Variants in CDH19 observed in about 807,000 individuals in gnomAD.
The protein encoded by CDH19 is cadherin 19.
CDH19 carries 67 observed loss-of-function variants against 64.2 expected under a neutral mutation model. The observed-to-expected ratio is 1.04, with a 90% CI of 0.86 to 1.28. The LOEUF (loss-of-function observed/expected upper bound fraction) is 1.28. Among genes scored for constraint, CDH19 ranks in the 50% most tolerant of loss-of-function variants. The pLI, the probability that CDH19 is intolerant of heterozygous loss-of-function variation, is 0.00. For missense variants in CDH19, 1,030 were observed against 929.0 expected (o/e 1.11, Z -1.41); for synonymous variants, 346 against 319.3 (o/e 1.08, Z -0.89).
chr18:66,603,365 T>C (rs866621716), intron 1 of CDH19, among the ~76,000 whole-genome samples: 94 of 151,648 alleles, frequency 6.2e-4, no homozygotes, highest in African/African-American at 2.2e-3. Flanking sequence ...TTGTGTTATG[T>C]ATAAATGTTA....
At chr18:66,575,813 T>C (rs933983908) in intron 1 of CDH19, among the ~76,000 whole-genome samples, 6 of 151,802 alleles carry the variant, frequency 4.0e-5, no homozygotes, top group African/African-American at 1.4e-4. Flanking sequence ...AAAGACCTTC[T>C]TTAAATTATA....
intron 7 of CDH19, among the ~76,000 whole-genome samples, chr18:66,539,929 CT>C (rs1481472640): frequency 6.6e-6 from 1 of 151,834 alleles, no homozygotes; most frequent in African/African-American, 2.4e-5. Context: ...GGTTATTTAT[CT>C]TTTAATATCT....
chr18:66,578,770 T>C (rs928193216), intron 1 of CDH19, among the ~76,000 whole-genome samples: 2 of 151,892 alleles, frequency 1.3e-5, no homozygotes, highest in Admixed American at 1.3e-4. Flanking sequence ...AACAAGTCAA[T>C]GTACTAAGAA....
intron 3 of CDH19, among the ~76,000 whole-genome samples, chr18:66,560,722 G>T (rs2144545151): frequency 6.6e-6 from 1 of 151,958 alleles, no homozygotes; most frequent in Admixed American, 6.6e-5. Flanking sequence ...TTACTCTACT[G>T]AAGAAGGGTA....
chr18:66,551,054 A>G, intron 5 of CDH19, 40 bp downstream of exon 5: 1 of 1,146,574 alleles, frequency 8.7e-7, no homozygotes, highest in Non-Finnish European at 1.3e-6. Flanking sequence ...ACACACTCAT[A>G]TTTATAATGT....
chr18:66,540,171 T>C (rs1986833569), intron 7 of CDH19, among the ~76,000 whole-genome samples: 1 of 152,210 alleles, frequency 6.6e-6, no homozygotes, highest in South Asian at 2.1e-4. Flanking sequence ...GGCTTCATTA[T>C]ATTACTCCGT....
Position 66,502,653 on chromosome 18 carries a change from T to C in CDH19, c.*2159A>G, listed in dbSNP as rs1984996483. The stretch of plus-strand genomic sequence containing the variant: ...AATTTCTCTGACTATACATTTTCAA[T>C]TTTCATGTCAATGTGATAGAAATGT... On this transcript the variant is annotated 3_prime_UTR_variant, in exon 12 of 12. Coordinates refer to ENST00000262150, the MANE Select transcript of CDH19 (RefSeq NM_021153.4). 1 of 151,986 alleles carries C rather than the reference T, an allele frequency of 6.6e-6. No individual in the cohort carries two copies. Among genetic ancestry groups the C allele is most frequent in the South Asian group, 2.1e-4 (1 of 4,834 alleles). 9.4% of individuals were successfully genotyped at this position (151,986 alleles called of 1,614,324 possible). A position where few individuals can be genotyped will look rare whatever the true frequency, so the allele number is the denominator to read the frequency against.
chr18:66,586,654 G>T (rs1943309), intron 1 of CDH19, among the ~76,000 whole-genome samples: 51,231 of 151,832 alleles, frequency 0.34, 10,062 homozygotes, highest in Non-Finnish European at 0.45. Context: ...GTTAGTGGCA[G>T]ATTTTACACT....
chr18:66,521,299 C>T (rs1985970959), intron 9 of CDH19, among the ~76,000 whole-genome samples: 1 of 152,060 alleles, frequency 6.6e-6, no homozygotes, highest in Non-Finnish European at 1.5e-5. Context: ...AATATGTCAC[C>T]TGTAATGGAT....
At chr18:66,575,646 A>C (rs1988244237) in intron 1 of CDH19, among the ~76,000 whole-genome samples, 1 of 151,858 alleles carries the variant, frequency 6.6e-6, no homozygotes, top group Non-Finnish European at 1.5e-5. Context: ...AGTGGGATGA[A>C]GACTCTTTCT....
chr18:66,585,706 A>C (rs764698426), intron 1 of CDH19, among the ~76,000 whole-genome samples: 1 of 152,160 alleles, frequency 6.6e-6, no homozygotes, highest in African/African-American at 2.4e-5. Flanking sequence ...AAAAATATAC[A>C]CACATAAAAA....
At chr18:66,525,870 G>T (rs551892563) in intron 9 of CDH19, among the ~76,000 whole-genome samples, 1 of 151,986 alleles carries the variant, frequency 6.6e-6, no homozygotes. Context: ...ACATCTGCAC[G>T]TCCCAAAATA....
rs926197726 is a variant in CDH19 at position 66,502,213 on chromosome 18, A to G, written c.*2599T>C. 4 of 152,102 alleles carry G rather than the reference A, an allele frequency of 2.6e-5. No homozygotes were observed. The highest frequency in any genetic ancestry group is 9.6e-5 in the African/African-American group (4 of 41,454). 9.4% of individuals were successfully genotyped at this position (152,102 alleles called of 1,614,324 possible). A position where few individuals can be genotyped will look rare whatever the true frequency, so the allele number is the denominator to read the frequency against. ...AAGTTGCACCTTCTGTATTAGAATCAGATAGTATCTTTTGATGTGGTTAAA... is the reference window on the plus strand; with the variant it reads ...AAGTTGCACCTTCTGTATTAGAATCGGATAGTATCTTTTGATGTGGTTAAA... On this transcript the variant is annotated 3_prime_UTR_variant, in exon 12 of 12. Coordinates refer to ENST00000262150, the MANE Select transcript of CDH19 (RefSeq NM_021153.4).
chr18:66,600,952 C>G (rs922647821), intron 1 of CDH19, among the ~76,000 whole-genome samples: 1 of 151,678 alleles, frequency 6.6e-6, no homozygotes, highest in South Asian at 2.1e-4. Context: ...ACATTATAGC[C>G]CATTTATTTC....
chr18:66,596,553 A>C (rs1988893848), intron 1 of CDH19, among the ~76,000 whole-genome samples: 1 of 152,210 alleles, frequency 6.6e-6, no homozygotes, highest in African/African-American at 2.4e-5. Flanking sequence ...CCACTCAAAT[A>C]GCCACAAATA....
intron 1 of CDH19, among the ~76,000 whole-genome samples, chr18:66,587,227 G>A (rs1988603379): frequency 6.6e-6 from 1 of 152,128 alleles, no homozygotes. Context: ...GATGTCAAAA[G>A]AAATTGCCTG....
chr18:66,504,614 A>G lies in CDH19; in HGVS notation c.*198T>C. 1 of 487,360 alleles carries G rather than the reference A, an allele frequency of 2.1e-6. No homozygotes were observed. Among genetic ancestry groups the G allele is most frequent in the Admixed American group, 3.4e-5 (1 of 29,570 alleles). 30.2% of individuals were successfully genotyped at this position (487,360 alleles called of 1,614,324 possible). ...ATTGATGCCTGTGAGCTGATTGTTT[A>G]CATTTCTCCCCACATCTCTGTTCAA... On this transcript the variant is annotated 3_prime_UTR_variant, in exon 12 of 12. Coordinates refer to ENST00000262150, the MANE Select transcript of CDH19 (RefSeq NM_021153.4).
chr18:66,525,397 A>C lies in CDH19; in HGVS notation c.1458+4448T>G, dbSNP rs576364504. ...TCATTGGTTTTAGTGTTCATACATTAATATTTCACTTCTAGGAAGGAGGAA... is the reference window on the plus strand; with the variant it reads ...TCATTGGTTTTAGTGTTCATACATTCATATTTCACTTCTAGGAAGGAGGAA... On this transcript the variant is annotated intron_variant, in intron 9 of 11. Transcript: ENST00000262150. Among the ~76,000 whole-genome samples, 3 of 152,184 alleles carry C rather than the reference A, an allele frequency of 2.0e-5. 1 individual carries two copies. In the East Asian group the frequency reaches 5.8e-4, roughly 29 times the overall value.
intron 8 of CDH19, among the ~76,000 whole-genome samples, chr18:66,531,547 T>C (rs1598986282): frequency 6.6e-6 from 1 of 151,978 alleles, no homozygotes; most frequent in African/African-American, 2.4e-5. Context: ...GAGCAGGAGG[T>C]TGTGGCAGCA....
Sources: gnomAD v4.1 joint callset for allele counts (sites outside exome capture counted in the v4.1 genomes callset) on GRCh38, gnomAD v4.1.1 for gene constraint, MANE v1.5 for transcripts, NCBI Gene and HGNC (gene_info 2026-07-23, HGNC 2026-07-21) for gene names.